NBAS: variants seen among roughly 807,000 people sequenced by gnomAD.
NBAS encodes NAG/BC035112 fusion.
A neutral mutation model predicts 302.5 loss-of-function variants in NBAS; 219 were observed. That is an observed-to-expected ratio of 0.72 (90% CI 0.65 to 0.81). The LOEUF is 0.81. NBAS is among the 30% of genes least tolerant of loss of function. The probability of loss-of-function intolerance (pLI) is 0.00; values close to 1 mark genes in which losing one functional copy is unlikely to be tolerated. For synonymous variants in NBAS, 1,118 were observed against 1,021.6 expected (o/e 1.09, Z -1.80); for missense variants, 2,932 against 2,841.6 (o/e 1.03, Z -0.72).
At chr2:15,023,280 C>T in the NBAS span, among the ~76,000 whole-genome samples, 1,888 of 152,174 alleles carry the variant, frequency 0.012, 42 homozygotes, top group African/African-American at 0.044. Flanking sequence ...ATGGTATGTG[C>T]TCAAACACAG....
At chr2:15,077,660 CTTCT>C in the NBAS span, among the ~76,000 whole-genome samples, 1 of 150,984 alleles carries the variant, frequency 6.6e-6, no homozygotes. Context: ...CCCAAGAAGG[CTTCT>C]TTCTTTTCTT....
intron 11 of NBAS, among the ~76,000 whole-genome samples, chr2:15,494,628 A>T (rs1228953482): frequency 1.3e-5 from 2 of 152,152 alleles, no homozygotes; most frequent in East Asian, 1.9e-4. Flanking sequence ...TAACCACTTT[A>T]TATGCTCCCT....
At chr2:15,472,194 G>A (rs1679988839) in intron 16 of NBAS, among the ~76,000 whole-genome samples, 1 of 152,176 alleles carries the variant, frequency 6.6e-6, no homozygotes, top group Admixed American at 6.5e-5. Flanking sequence ...GAGGGCCACT[G>A]CAAAGGAAGA....
At chr2:15,413,559 A>G (rs77317911) in intron 25 of NBAS, among the ~76,000 whole-genome samples, 23 of 152,212 alleles carry the variant, frequency 1.5e-4, no homozygotes, top group Admixed American at 2.6e-4. Context: ...CAAACAAAGG[A>G]AACAGTCTGT....
chr2:15,371,097 T>C (rs757906403), intron 31 of NBAS, among the ~76,000 whole-genome samples: 23 of 152,172 alleles, frequency 1.5e-4, no homozygotes, highest in Admixed American at 4.6e-4. Context: ...GTTTCCCCCA[T>C]GCTGTTCTCA....
At chr2:15,322,085 G>T (rs765613860) in intron 38 of NBAS, among the ~76,000 whole-genome samples, 12 of 152,154 alleles carry the variant, frequency 7.9e-5, no homozygotes, top group Non-Finnish European at 1.6e-4. Flanking sequence ...CATGTCCTTT[G>T]TAGGGACATG....
At chr2:15,376,340 C>T (rs964943069) in intron 30 of NBAS, among the ~76,000 whole-genome samples, 2 of 151,964 alleles carry the variant, frequency 1.3e-5, no homozygotes, top group Non-Finnish European at 2.9e-5. Flanking sequence ...GAAAGAGATG[C>T]AATGAAGGGG....
chr2:14,795,474 C>CATATATATATATATATATAT, the NBAS span, among the ~76,000 whole-genome samples: 9 of 147,834 alleles, frequency 6.1e-5, no homozygotes, highest in African/African-American at 2.4e-4. Context: ...CAAGATTTTA[C>CATATATATATATATATATAT]ATATATATAT....
chr2:15,319,629 T>C (rs1366755638), intron 38 of NBAS, among the ~76,000 whole-genome samples: 1 of 151,776 alleles, frequency 6.6e-6, no homozygotes, highest in African/African-American at 2.4e-5. Flanking sequence ...CCTATGCAAA[T>C]AAACTAGAAA....
At chr2:15,181,013 C>T (rs917202299) in intron 50 of NBAS, among the ~76,000 whole-genome samples, 4 of 152,144 alleles carry the variant, frequency 2.6e-5, no homozygotes, top group African/African-American at 4.8e-5. Context: ...TAAATATTTC[C>T]CACCTTATCT....
the NBAS span, among the ~76,000 whole-genome samples, chr2:14,912,353 A>G: frequency 6.6e-6 from 1 of 152,190 alleles, no homozygotes; most frequent in Non-Finnish European, 1.5e-5. Flanking sequence ...TTACTCAAGC[A>G]GCACTAATAA....
chr2:15,193,400 T>C (rs1665456874), intron 48 of NBAS, among the ~76,000 whole-genome samples: 1 of 152,174 alleles, frequency 6.6e-6, no homozygotes, highest in South Asian at 2.1e-4. Flanking sequence ...TTACCTTCTA[T>C]GAGAGAAGAA....
At chr2:15,003,363 G>A in the NBAS span, among the ~76,000 whole-genome samples, 1 of 152,160 alleles carries the variant, frequency 6.6e-6, no homozygotes, top group African/African-American at 2.4e-5. Context: ...TCATGCTTTT[G>A]ATAAATACAC....
At chr2:15,258,350 G>C (rs1055539686) in intron 44 of NBAS, among the ~76,000 whole-genome samples, 6 of 152,152 alleles carry the variant, frequency 3.9e-5, no homozygotes, top group Non-Finnish European at 8.8e-5. Context: ...TAGGGAACAA[G>C]GTAAGGGAAG....
the NBAS span, among the ~76,000 whole-genome samples, chr2:14,954,614 T>C: frequency 2.6e-5 from 4 of 152,186 alleles, no homozygotes; most frequent in African/African-American, 9.7e-5. Flanking sequence ...CAGTTCTGTA[T>C]GGCTGGGAAG....
the NBAS span, among the ~76,000 whole-genome samples, chr2:15,010,453 C>A: frequency 6.6e-6 from 1 of 152,134 alleles, no homozygotes; most frequent in Non-Finnish European, 1.5e-5. Flanking sequence ...TCCCACCCCC[C>A]ACCTTATACC....
the NBAS span, among the ~76,000 whole-genome samples, chr2:14,914,833 C>T: frequency 6.6e-6 from 1 of 152,122 alleles, no homozygotes; most frequent in Non-Finnish European, 1.5e-5. Context: ...ATATTGGGCA[C>T]AGGGAGTAGA....
chr2:15,472,704 C>T (rs1319445398), intron 16 of NBAS, among the ~76,000 whole-genome samples: 3 of 152,166 alleles, frequency 2.0e-5, no homozygotes, highest in Non-Finnish European at 4.4e-5. Flanking sequence ...ATCCTACATG[C>T]TGCAACCACT....
the NBAS span, among the ~76,000 whole-genome samples, chr2:15,156,321 T>C: frequency 1.3e-5 from 2 of 152,132 alleles, no homozygotes; most frequent in African/African-American, 4.8e-5. Context: ...GGGGGATAGG[T>C]TGTCAGGCAC....
Sources: gnomAD v4.1 joint callset for allele counts (sites outside exome capture counted in the v4.1 genomes callset) on GRCh38, gnomAD v4.1.1 for gene constraint, MANE v1.5 for transcripts, NCBI Gene and HGNC (gene_info 2026-07-23, HGNC 2026-07-21) for gene names.